The following ARHGAP28 variants were observed in gnomAD, a reference collection of about 807,000 sequenced individuals.
ARHGAP28 encodes the protein rho GTPase-activating protein 28.
A neutral mutation model predicts 90.7 loss-of-function variants in ARHGAP28; 56 were observed. The observed-to-expected ratio is 0.62, with a 90% CI of 0.50 to 0.77. ARHGAP28 has a LOEUF of 0.77. Ranked by LOEUF, ARHGAP28 falls within the 30% of genes least tolerant of loss-of-function variation. The pLI, the probability that ARHGAP28 is intolerant of heterozygous loss-of-function variation, is 0.00. For missense variants in ARHGAP28, 869 were observed against 900.9 expected, an observed-to-expected ratio of 0.96 and a Z score of 0.45; for synonymous variants, 308 against 323.3, an observed-to-expected ratio of 0.95 and a Z score of 0.51.
chr18:6,808,249 A>G (rs1357283235), intron 1 of ARHGAP28, among the ~76,000 whole-genome samples: 1 of 152,082 alleles, frequency 6.6e-6, no homozygotes, highest in Non-Finnish European at 1.5e-5. Flanking sequence ...CATTGGAGGT[A>G]TTATTTCACA....
At chr18:6,752,011 A>G (rs1475475309) in intron 1 of ARHGAP28, among the ~76,000 whole-genome samples, 1 of 152,252 alleles carries the variant, frequency 6.6e-6, no homozygotes, top group Non-Finnish European at 1.5e-5. Context: ...TCATAAAATA[A>G]TGTTTAATTA....
intron 1 of ARHGAP28, among the ~76,000 whole-genome samples, chr18:6,817,823 T>C (rs1390483750): frequency 6.6e-6 from 1 of 152,192 alleles, no homozygotes; most frequent in African/African-American, 2.4e-5. Flanking sequence ...CTTTTACTTA[T>C]GTGACTTTGG....
intron 9 of ARHGAP28, among the ~76,000 whole-genome samples, 158 bp from the exon 10 acceptor site, chr18:6,875,973 C>T (rs1302101713): frequency 3.3e-5 from 5 of 152,098 alleles, no homozygotes; most frequent in South Asian, 2.1e-4. Flanking sequence ...ATAACGTTGA[C>T]GTCATAGGAT....
intron 3 of ARHGAP28, among the ~76,000 whole-genome samples, chr18:6,842,586 A>T (rs1350588886): frequency 6.6e-6 from 1 of 152,038 alleles, no homozygotes; most frequent in African/African-American, 2.4e-5. Flanking sequence ...TTATTTTAGC[A>T]TCGTTGTTTT....
chr18:6,894,122 C>T (rs9951828), intron 14 of ARHGAP28, among the ~76,000 whole-genome samples: 2,950 of 152,188 alleles, frequency 0.019, 87 homozygotes, highest in African/African-American at 0.068. Context: ...CTACCTTGGC[C>T]TCCCAAAGTG....
intron 1 of ARHGAP28, among the ~76,000 whole-genome samples, chr18:6,810,787 A>C (rs1343614343): frequency 6.6e-6 from 1 of 151,978 alleles, no homozygotes; most frequent in Non-Finnish European, 1.5e-5. Flanking sequence ...ATAAAGAAAG[A>C]GCATTCAGAA....
intron 16 of ARHGAP28, among the ~76,000 whole-genome samples, chr18:6,903,692 G>T (rs979119800): frequency 6.6e-6 from 1 of 151,764 alleles, no homozygotes; most frequent in Non-Finnish European, 1.5e-5. Context: ...TTAGCTGAGC[G>T]TGGTGGTGGG....
rs2056979120 is a variant in ARHGAP28 at position 6,859,324 on chromosome 18, A to C, written c.637-484A>C. On this transcript the variant is annotated intron_variant, in intron 4 of 17. Coordinates refer to ENST00000383472, the MANE Select transcript of ARHGAP28 (RefSeq NM_001366230.1). ...AGCCAGGCTTGCTCTTCTGTCCCTG[A>C]CTTCTTCTTGGTGCCCATTGTCCTC... Among the ~76,000 whole-genome samples, 3 of 151,952 alleles carry C rather than the reference A, an allele frequency of 2.0e-5. 1 individual carries two copies. In the South Asian group the frequency reaches 6.3e-4, roughly 32 times the overall value.
rs565937371 is a variant in ARHGAP28, at chr18:6,914,024, T to C, written c.*1870T>C. ...GCTACCTTACATTTCTGCGTATATA[T>C]GAAAACTGAATGATATTTCTCAGTG... On this transcript the variant is annotated 3_prime_UTR_variant, in exon 18 of 18. Transcript: ENST00000383472. 1 of 152,196 alleles carries C rather than the reference T, an allele frequency of 6.6e-6. No homozygotes were observed. 9.4% of individuals were successfully genotyped at this position (152,196 alleles called of 1,614,324 possible).
chr18:6,890,235 GGGCT>G (rs2143722292), intron 13 of ARHGAP28, 150 bp downstream of exon 13: 4 of 910,192 alleles, frequency 4.4e-6, no homozygotes, highest in East Asian at 2.6e-5. Context: ...CCTTCTGGAA[GGGCT>G]GCTCTTCAAC....
intron 1 of ARHGAP28, among the ~76,000 whole-genome samples, chr18:6,734,706 ACT>A (rs1362751571): frequency 1.3e-5 from 2 of 152,106 alleles, no homozygotes; most frequent in Non-Finnish European, 2.9e-5. Flanking sequence ...CCAGGTGCTA[ACT>A]CTTACTAAGC....
intron 1 of ARHGAP28, among the ~76,000 whole-genome samples, chr18:6,753,634 A>G (rs942565015): frequency 3.9e-5 from 6 of 152,236 alleles, no homozygotes; most frequent in African/African-American, 9.6e-5. Flanking sequence ...GTATTTTCCA[A>G]ATTAAATGAA....
At chr18:6,911,006 G>A (rs186351244) in intron 17 of ARHGAP28, among the ~76,000 whole-genome samples, 3 of 151,944 alleles carry the variant, frequency 2.0e-5, no homozygotes, top group Admixed American at 6.6e-5. Flanking sequence ...CACCACGCCC[G>A]GCTAATTTTG....
At chr18:6,876,002 C>A in intron 9 of ARHGAP28, 129 bp from the exon 10 acceptor site, 1 of 721,212 alleles carries the variant, frequency 1.4e-6, no homozygotes, top group South Asian at 1.8e-5. Context: ...ACATTTAACA[C>A]AGCATTCAAG....
At position 6,779,770 on chromosome 18, in the gene ARHGAP28, A is replaced by G. The variant is rs537725393; in HGVS notation, c.123-44992A>G. Among the ~76,000 whole-genome samples, 6 of 152,302 alleles carry G rather than the reference A, an allele frequency of 3.9e-5. No homozygotes were observed. In the South Asian group the frequency reaches 1.2e-3, roughly 32 times the overall value. On this transcript the variant is annotated intron_variant, in intron 1 of 17. Transcript: ENST00000383472. ...TAATGGTACAAATCCATTTGTCAAG[A>G]CTCATGCAGGCCTCTGCCAATTCTT...
At chr18:6,780,765 G>C (rs1031849537) in intron 1 of ARHGAP28, among the ~76,000 whole-genome samples, 1 of 151,842 alleles carries the variant, frequency 6.6e-6, no homozygotes, top group Non-Finnish European at 1.5e-5. Context: ...CGTGGCAGGC[G>C]CCTGTAATGC....
At chr18:6,850,642 C>T (rs1026886554) in intron 3 of ARHGAP28, 6 of 594,630 alleles carry the variant, frequency 1.0e-5, no homozygotes, top group African/African-American at 9.7e-5. Context: ...CATTAGCTTT[C>T]CCAGACACTC....
intron 2 of ARHGAP28, among the ~76,000 whole-genome samples, chr18:6,829,764 G>C (rs2056700930): frequency 6.6e-6 from 1 of 152,116 alleles, no homozygotes; most frequent in Non-Finnish European, 1.5e-5. Flanking sequence ...GCATAGTTTT[G>C]AGATTCTAGT....
chr18:6,757,805 C>T (rs892451380), intron 1 of ARHGAP28, among the ~76,000 whole-genome samples: 1 of 152,102 alleles, frequency 6.6e-6, no homozygotes, highest in African/African-American at 2.4e-5. Context: ...AAGGGTCTTT[C>T]CAGCATCCAG....
Sources: gnomAD v4.1 joint callset for allele counts (sites outside exome capture counted in the v4.1 genomes callset) on GRCh38, gnomAD v4.1.1 for gene constraint, MANE v1.5 for transcripts, NCBI Gene and HGNC (gene_info 2026-07-23, HGNC 2026-07-21) for gene names.